The following SLC17A6 variants were observed in gnomAD, a reference collection of about 807,000 sequenced individuals.
SLC17A6 encodes vesicular glutamate transporter 2.
Under a neutral mutation model 67.1 loss-of-function variants are expected in SLC17A6, and 35 were observed. That is an observed-to-expected ratio of 0.52 (90% CI 0.40 to 0.69). The LOEUF is 0.69. Ranked by LOEUF, SLC17A6 falls within the 30% of genes least tolerant of loss-of-function variation. The pLI, the probability that SLC17A6 is intolerant of heterozygous loss-of-function variation, is 0.00. For synonymous variants in SLC17A6, 285 were observed against 252.3 expected (o/e 1.13, Z -1.23); for missense variants, 588 against 723.9 (o/e 0.81, Z 2.15).
chr11:22,349,074 A>G (rs1228880270), intron 3 of SLC17A6, among the ~76,000 whole-genome samples: 2 of 152,058 alleles, frequency 1.3e-5, no homozygotes, highest in Non-Finnish European at 2.9e-5. Context: ...ACACACACAC[A>G]CGCTATTGGT....
At chr11:22,375,034 T>G in intron 9 of SLC17A6, 147 bp downstream of exon 9, 1 of 843,666 alleles carries the variant, frequency 1.2e-6, no homozygotes, top group Non-Finnish European at 1.7e-6. Context: ...TTCCTCATAT[T>G]ACATCAAATT....
At chr11:22,372,042 T>C (rs1357389692) in intron 8 of SLC17A6, among the ~76,000 whole-genome samples, 1 of 152,068 alleles carries the variant, frequency 6.6e-6, no homozygotes, top group Admixed American at 6.6e-5. Context: ...CATTAAATGA[T>C]AATGATATTA....
chr11:22,358,639 A>AT (rs897440182), intron 3 of SLC17A6, among the ~76,000 whole-genome samples: 16 of 151,404 alleles, frequency 1.1e-4, no homozygotes, highest in East Asian at 3.9e-4. Flanking sequence ...CGACCAGAAG[A>AT]TTTTTTTTTC....
chr11:22,360,456 C>T (rs1374687061), intron 4 of SLC17A6, among the ~76,000 whole-genome samples: 1 of 151,552 alleles, frequency 6.6e-6, no homozygotes, highest in Non-Finnish European at 1.5e-5. Context: ...ACCTGCATAT[C>T]CTGCACATGT....
intron 7 of SLC17A6, among the ~76,000 whole-genome samples, chr11:22,367,288 A>T (rs556641633): frequency 2.0e-5 from 3 of 152,260 alleles, no homozygotes; most frequent in African/African-American, 7.2e-5. Context: ...GGTTAAAAAA[A>T]AAAAAAGTCT....
intron 6 of SLC17A6, 68 bp downstream of exon 6, chr11:22,362,893 C>A (rs754203131): frequency 3.7e-6 from 4 of 1,095,160 alleles, no homozygotes; most frequent in South Asian, 1.3e-5. Context: ...TGGTTGCAGA[C>A]AATGAGATCA....
At position 22,377,606 on chromosome 11, in the gene SLC17A6, G is replaced by A. The variant is rs1856246157; in HGVS notation, c.1615G>A (p.Gly539Ser). 6.2e-7 allele frequency: 1 copy of A among 1,614,046 alleles called. No homozygotes were observed. Among genetic ancestry groups the A allele is most frequent in the Admixed American group, 1.7e-5 (1 of 60,012 alleles). ...GDITQNYINYGTTKSYGATTQ... is the reference protein window; with the variant it reads ...GDITQNYINYSTTKSYGATTQ... Reference sequence around the variant, plus strand: ...CATTACTCAAAATTATATAAATTATGGTACCACCAAGTCTTATGGTGCCAC... The same window carrying A: ...CATTACTCAAAATTATATAAATTATAGTACCACCAAGTCTTATGGTGCCAC... The change falls in exon 12 of 12, where the codon GGT becomes AGT. Residue 539 changes from glycine (G) to serine (S), a missense_variant. By Grantham distance (56) the Gly-to-Ser change is moderately conservative. Coordinates refer to ENST00000263160, the MANE Select transcript of SLC17A6 (RefSeq NM_020346.3).
At chr11:22,347,416 A>G (rs7395002) in intron 3 of SLC17A6, among the ~76,000 whole-genome samples, 26,597 of 152,102 alleles carry the variant, frequency 0.17, 2,699 homozygotes, top group East Asian at 0.46. Flanking sequence ...GGGTCGTAAC[A>G]GCTAAATATA....
At chr11:22,346,292 T>A (rs1265991828) in intron 3 of SLC17A6, among the ~76,000 whole-genome samples, 2 of 152,292 alleles carry the variant, frequency 1.3e-5, no homozygotes, top group South Asian at 2.1e-4. Flanking sequence ...AATTTCTCAA[T>A]GAAAAACAAA....
intron 8 of SLC17A6, among the ~76,000 whole-genome samples, chr11:22,371,363 A>G (rs776531801): frequency 8.5e-5 from 13 of 152,072 alleles, no homozygotes; most frequent in Non-Finnish European, 1.8e-4. Context: ...TCAGTTTAGG[A>G]GTAGCTATTC....
intron 5 of SLC17A6, 100 bp downstream of exon 5, chr11:22,361,084 G>A (rs1590388191): frequency 1.2e-6 from 1 of 868,210 alleles, no homozygotes; most frequent in Non-Finnish European, 1.8e-6. Flanking sequence ...AACCATCTGG[G>A]TTTTGTATGA....
intron 9 of SLC17A6, among the ~76,000 whole-genome samples, chr11:22,375,411 T>C (rs924300027): frequency 6.6e-6 from 1 of 152,032 alleles, no homozygotes; most frequent in African/African-American, 2.4e-5. Context: ...TAATGCCATT[T>C]GTATTTATTG....
chr11:22,341,394 C>A lies in SLC17A6; in HGVS notation c.87-134C>A, dbSNP rs1028936100. On this transcript the variant is annotated intron_variant, in intron 1 of 11. Coordinates refer to ENST00000263160, the MANE Select transcript of SLC17A6 (RefSeq NM_020346.3). ...CTTGCAGCTTGGTGTCACCCCACCACCCTAATCCCCGAGGGTGGGGGGAGG... is the reference window on the plus strand; with the variant it reads ...CTTGCAGCTTGGTGTCACCCCACCAACCTAATCCCCGAGGGTGGGGGGAGG... The A allele has an allele frequency of 3.0e-6, 4 of 1,329,046 alleles. No homozygotes were observed. The African/African-American group carries it at 5.9e-5, about 19-fold the overall frequency. 82.3% of individuals were successfully genotyped at this position (1,329,046 alleles called of 1,614,324 possible). A position where few individuals can be genotyped will look rare whatever the true frequency, so the allele number is the denominator to read the frequency against.
At chr11:22,372,211 G>T (rs1183057231) in intron 8 of SLC17A6, among the ~76,000 whole-genome samples, 1 of 151,634 alleles carries the variant, frequency 6.6e-6, no homozygotes, top group African/African-American at 2.4e-5. Flanking sequence ...AGACAGCACT[G>T]TATATATAAA....
Position 22,360,959 on chromosome 11 carries a change from T to C in SLC17A6, c.636T>C (p.Ser212=), listed in dbSNP as rs764774668. The change falls in exon 5 of 12, where the codon AGT becomes AGC. Residue 212 remains serine (S), a synonymous_variant. Transcript: ENST00000263160. ...AATGGGCCCCACCTCTAGAGAGGAG[T>C]AGACTGGCAACCACCTCCTTTTGTG... is the stretch of plus-strand genomic sequence containing the variant. The part of the protein sequence containing the change: ...WSKWAPPLER[S]RLATTSFCGS... 10 of 1,613,664 alleles carry C rather than the reference T, an allele frequency of 6.2e-6. No homozygotes were observed. Among genetic ancestry groups the C allele is most frequent in the Non-Finnish European group, 8.5e-6 (10 of 1,179,852 alleles).
At chr11:22,356,536 A>G (rs1269843486) in intron 3 of SLC17A6, among the ~76,000 whole-genome samples, 3 of 152,182 alleles carry the variant, frequency 2.0e-5, no homozygotes, top group Non-Finnish European at 2.9e-5. Flanking sequence ...AAAAAAGGAT[A>G]GATAAAGAAA....
rs767561081 is a variant in SLC17A6 at position 22,372,385 on chromosome 11, C to T, written c.1041+2197C>T. Among the ~76,000 whole-genome samples, 3 of 150,074 alleles carry T rather than the reference C, an allele frequency of 2.0e-5. No homozygotes were observed. In the East Asian group the frequency reaches 5.8e-4, roughly 29 times the overall value. Reference sequence around the variant, plus strand: ...AAACAAGTATATATATATATACACACATACACATATATATATATAATTTAA... The same window carrying T: ...AAACAAGTATATATATATATACACATATACACATATATATATATAATTTAA... On this transcript the variant is annotated intron_variant, in intron 8 of 11. Transcript: ENST00000263160.
chr11:22,349,028 T>C (rs1258573162), intron 3 of SLC17A6, among the ~76,000 whole-genome samples: 1 of 152,084 alleles, frequency 6.6e-6, no homozygotes, highest in Non-Finnish European at 1.5e-5. Flanking sequence ...AGCACCATCA[T>C]CAAACACACA....
intron 6 of SLC17A6, among the ~76,000 whole-genome samples, chr11:22,363,083 C>T (rs1449688572): frequency 2.0e-5 from 3 of 152,106 alleles, no homozygotes; most frequent in Non-Finnish European, 4.4e-5. Flanking sequence ...AATCTATGTC[C>T]TTCATTATGA....
Sources: allele counts gnomAD v4.1 joint callset (sites outside exome capture counted in the v4.1 genomes callset), GRCh38; gene constraint gnomAD v4.1.1; transcripts MANE v1.5; gene names NCBI Gene and HGNC (gene_info 2026-07-23, HGNC 2026-07-21).